TENM4: variants seen among roughly 807,000 people sequenced by gnomAD.
The protein encoded by TENM4 is teneurin transmembrane protein 4, also known as teneurin-4.
Under a neutral mutation model 243.3 loss-of-function variants are expected in TENM4, and 82 were observed. The observed-to-expected ratio is 0.34, with a 90% CI of 0.28 to 0.40. The LOEUF (loss-of-function observed/expected upper bound fraction) is 0.40, where lower values mean the gene tolerates loss of function less well. Ranked by LOEUF, TENM4 falls within the 10% of genes least tolerant of loss-of-function variation. The probability of loss-of-function intolerance (pLI) is 1.00; values close to 1 mark genes in which losing one functional copy is unlikely to be tolerated. For synonymous variants in TENM4, 1,412 were observed against 1,456.3 expected, an observed-to-expected ratio of 0.97 and a Z score of 0.69; for missense variants, 3,138 against 3,673.3, an observed-to-expected ratio of 0.85 and a Z score of 3.77.
At chr11:79,337,510 T>G (rs1210177065) in intron 1 of TENM4, among the ~76,000 whole-genome samples, 1 of 152,190 alleles carries the variant, frequency 6.6e-6, no homozygotes, top group East Asian at 1.9e-4. Flanking sequence ...GAGCAGAGAC[T>G]GGGGTAGTTA....
chr11:79,192,222 A>G (rs1590782862), intron 3 of TENM4, among the ~76,000 whole-genome samples: 1 of 150,366 alleles, frequency 6.7e-6, no homozygotes, highest in Non-Finnish European at 1.5e-5. Flanking sequence ...CCTACTGGGA[A>G]GTGAGGAGCC....
intron 15 of TENM4, among the ~76,000 whole-genome samples, chr11:78,799,624 G>A (rs1328638062): frequency 4.6e-5 from 7 of 152,252 alleles, no homozygotes. Flanking sequence ...CTTAAGCTTA[G>A]TGTTGAAAAT....
At chr11:79,434,293 A>T (rs905196495) in intron 1 of TENM4, among the ~76,000 whole-genome samples, 3 of 152,212 alleles carry the variant, frequency 2.0e-5, no homozygotes, top group African/African-American at 7.2e-5. Flanking sequence ...GTAAAATGCC[A>T]TACAGCAGGT....
At chr11:79,246,845 G>A (rs1820200489) in intron 2 of TENM4, among the ~76,000 whole-genome samples, 2 of 149,010 alleles carry the variant, frequency 1.3e-5, no homozygotes, top group African/African-American at 2.5e-5. Flanking sequence ...TTCTTGGGAG[G>A]AGCCCAAGAA....
intron 6 of TENM4, among the ~76,000 whole-genome samples, chr11:78,981,093 C>A (rs993104245): frequency 1.3e-5 from 2 of 152,092 alleles, no homozygotes; most frequent in Admixed American, 6.5e-5. Context: ...AACCTCATTA[C>A]TATGAAGTAT....
In TENM4 at chr11:79,159,550, T is replaced by A. The variant is rs563187125; in HGVS notation, c.-162-10744A>T. Among the ~76,000 whole-genome samples, 6 of 152,298 alleles carry A rather than the reference T, an allele frequency of 3.9e-5. No individual in the cohort carries two copies. The South Asian group carries it at 1.2e-3, about 32-fold the overall frequency. ...AAAAGGGGGATGGGGCTGGACCAGA[T>A]GCTTTTAACATTTATCCCACCTCTC... is the stretch of plus-strand genomic sequence containing the variant. On this transcript the variant is annotated intron_variant, in intron 3 of 33. Coordinates refer to ENST00000278550, the MANE Select transcript of TENM4 (RefSeq NM_001098816.3).
chr11:79,206,312 G>A (rs1392428700), intron 3 of TENM4, among the ~76,000 whole-genome samples: 2 of 152,254 alleles, frequency 1.3e-5, no homozygotes, highest in East Asian at 3.9e-4. Context: ...TTGCAGGAAA[G>A]TGGCTGCCTG....
At chr11:78,849,797 T>A (rs942230714) in intron 12 of TENM4, among the ~76,000 whole-genome samples, 5 of 152,192 alleles carry the variant, frequency 3.3e-5, no homozygotes, top group Non-Finnish European at 5.9e-5. Context: ...AAAATAAGAA[T>A]AATCATCTCA....
chr11:79,418,576 A>C (rs1203322575), intron 1 of TENM4, among the ~76,000 whole-genome samples: 1 of 152,168 alleles, frequency 6.6e-6, no homozygotes, highest in Non-Finnish European at 1.5e-5. Flanking sequence ...AGCCCTACTG[A>C]AACATGATTT....
chr11:79,345,909 A>G (rs752133837), intron 1 of TENM4, among the ~76,000 whole-genome samples: 1 of 152,200 alleles, frequency 6.6e-6, no homozygotes, highest in Non-Finnish European at 1.5e-5. Context: ...TTACTACTCA[A>G]AGTGTGGTTC....
At chr11:78,885,608 A>T (rs1855532733) in intron 9 of TENM4, among the ~76,000 whole-genome samples, 1 of 152,216 alleles carries the variant, frequency 6.6e-6, no homozygotes, top group Non-Finnish European at 1.5e-5. Context: ...AAGTTTCTCA[A>T]GACACTTTCT....
chr11:78,762,552 G>T (rs150521240), intron 18 of TENM4, among the ~76,000 whole-genome samples: 25 of 152,334 alleles, frequency 1.6e-4, no homozygotes, highest in Non-Finnish European at 7.3e-5. Flanking sequence ...TGCTTCCCAG[G>T]TGGGAGTGAT....
intron 10 of TENM4, among the ~76,000 whole-genome samples, chr11:78,859,298 T>G (rs962941063): frequency 1.3e-5 from 2 of 152,156 alleles, no homozygotes; most frequent in Non-Finnish European, 2.9e-5. Context: ...AGAAGGACAC[T>G]CTACAATCAC....
intron 13 of TENM4, among the ~76,000 whole-genome samples, chr11:78,813,498 G>A (rs1857541829): frequency 6.6e-6 from 1 of 152,170 alleles, no homozygotes; most frequent in African/African-American, 2.4e-5. Context: ...CCCAGGATTG[G>A]GTCTTGCCTA....
At chr11:79,340,403 C>T (rs935069269) in intron 1 of TENM4, among the ~76,000 whole-genome samples, 2 of 152,034 alleles carry the variant, frequency 1.3e-5, no homozygotes, top group African/African-American at 4.8e-5. Flanking sequence ...ATGTGACAGC[C>T]CCAGGGACCA....
intron 6 of TENM4, among the ~76,000 whole-genome samples, chr11:79,000,605 TA>T (rs935455219): frequency 1.3e-5 from 2 of 151,654 alleles, no homozygotes; most frequent in African/African-American, 2.4e-5. Flanking sequence ...GAGCAACCAC[TA>T]AAAAAAATCC....
chr11:78,783,256 G>C (rs1462709921), intron 16 of TENM4, among the ~76,000 whole-genome samples: 1 of 152,134 alleles, frequency 6.6e-6, no homozygotes, highest in African/African-American at 2.4e-5. Context: ...AAAACTCCTT[G>C]AAAAGATCCA....
chr11:78,761,677 A>C (rs1003295914), intron 18 of TENM4, among the ~76,000 whole-genome samples: 1 of 125,660 alleles, frequency 8.0e-6, no homozygotes, highest in African/African-American at 3.2e-5. Context: ...CTTTTGAGGT[A>C]TAGGCTTGGT....
intron 3 of TENM4, among the ~76,000 whole-genome samples, chr11:79,179,444 C>G (rs1247561737): frequency 6.6e-6 from 1 of 152,202 alleles, no homozygotes. Flanking sequence ...TCTTCACTAT[C>G]CAGCTCTTTA....
Sources: allele counts gnomAD v4.1 joint callset (sites outside exome capture counted in the v4.1 genomes callset), GRCh38; gene constraint gnomAD v4.1.1; transcripts MANE v1.5; gene names NCBI Gene and HGNC (gene_info 2026-07-23, HGNC 2026-07-21).